ARMC3: variants seen among roughly 807,000 people sequenced by gnomAD.
ARMC3 encodes the protein armadillo repeat containing 3.
ARMC3 carries 74 observed loss-of-function variants against 90.3 expected under a neutral mutation model. That is an observed-to-expected ratio of 0.82 (90% confidence interval 0.68 to 0.99). ARMC3 has a LOEUF of 0.99. ARMC3 is among the 50% of genes least tolerant of loss of function. The pLI, the probability that ARMC3 is intolerant of heterozygous loss-of-function variation, is 0.00. For missense variants in ARMC3, 958 were observed against 1,042.8 expected, an observed-to-expected ratio of 0.92 and a Z score of 1.12; for synonymous variants, 334 against 361.8, an observed-to-expected ratio of 0.92 and a Z score of 0.87.
At chr10:23,023,801 T>C (rs570594803) in intron 16 of ARMC3, among the ~76,000 whole-genome samples, 6 of 151,780 alleles carry the variant, frequency 4.0e-5, no homozygotes, top group East Asian at 3.9e-4. Flanking sequence ...TCAATCTATA[T>C]AACCAAGAGA....
At chr10:23,019,631 C>G (rs1838426548) in intron 16 of ARMC3, among the ~76,000 whole-genome samples, 1 of 152,142 alleles carries the variant, frequency 6.6e-6, no homozygotes, top group African/African-American at 2.4e-5. Flanking sequence ...GCAACCTCCA[C>G]TCACTGCAAC....
At chr10:23,007,965 A>G (rs1837706905) in intron 14 of ARMC3, among the ~76,000 whole-genome samples, 2 of 152,026 alleles carry the variant, frequency 1.3e-5, no homozygotes, top group Admixed American at 6.5e-5. Context: ...TTAGCTGGGT[A>G]TGGTAGCACA....
intron 16 of ARMC3, among the ~76,000 whole-genome samples, chr10:23,022,157 A>G (rs1049131149): frequency 1.3e-5 from 2 of 152,206 alleles, no homozygotes; most frequent in African/African-American, 4.8e-5. Context: ...TCTTCAAAAT[A>G]TTGAATGCTT....
intron 12 of ARMC3, 117 bp from the exon 13 acceptor site, chr10:23,003,129 G>A: frequency 1.2e-6 from 1 of 839,082 alleles, no homozygotes; most frequent in Non-Finnish European, 1.8e-6. Context: ...AGAGGGTGGG[G>A]GAGGCTTTAA....
chr10:23,011,491 G>T (rs1234481377), intron 16 of ARMC3, among the ~76,000 whole-genome samples: 1 of 152,154 alleles, frequency 6.6e-6, no homozygotes, highest in Non-Finnish European at 1.5e-5. Context: ...TATTATTGTT[G>T]TACTAAAAAG....
Position 22,998,198 on chromosome 10 carries a change from G to C in ARMC3, c.1226G>C (p.Ser409Thr). 1 of 1,613,860 alleles carries C rather than the reference G, an allele frequency of 6.2e-7. No homozygotes were observed. Among genetic ancestry groups the C allele is most frequent in the Non-Finnish European group, 8.5e-7 (1 of 1,179,884 alleles). The change falls in exon 11 of 19, where the codon AGT (serine) becomes ACT (threonine). Residue 409 changes from serine (S) to threonine (T), a missense_variant. Transcript: ENST00000298032. ...GATCCATTAATAAACCTCCTGTCTA[G>C]TAAACGAGATGGAGCCATTGCCAAC... Reference protein sequence around the residue: ...GIDPLINLLSSKRDGAIANAA... With the variant: ...GIDPLINLLSTKRDGAIANAA...
At chr10:23,002,465 CCAAT>C (rs1837341794) in intron 12 of ARMC3, among the ~76,000 whole-genome samples, 1 of 152,226 alleles carries the variant, frequency 6.6e-6, no homozygotes, top group Non-Finnish European at 1.5e-5. Context: ...ACCACCCTCA[CCAAT>C]CAGTTCTGTT....
rs750256146 is a variant in ARMC3, at chr10:23,001,991, G to A, written c.1498G>A (p.Ala500Thr). 7.9e-5 allele frequency: 128 copies of A among 1,613,804 alleles called. No homozygotes were observed. The East Asian group carries it at 2.3e-3, about 29-fold the overall frequency. The change falls in exon 12 of 19, where the codon GCC (alanine) becomes ACC (threonine). Residue 500 changes from alanine (A) to threonine (T), a missense_variant. Coordinates refer to ENST00000298032, the MANE Select transcript of ARMC3 (RefSeq NM_173081.5). ...CAAGAATGATGAAGTGAGGAAGCAC[G>A]CCAGTTGGGCAGTGATGGTCTGTGC... ...RSKNDEVRKH[A>T]SWAVMVCAGD...
chr10:23,005,566 TA>T (rs1233729282), intron 13 of ARMC3, among the ~76,000 whole-genome samples: 2 of 151,752 alleles, frequency 1.3e-5, no homozygotes, highest in Non-Finnish European at 1.5e-5. Context: ...TATCCCAGGG[TA>T]AAAATGAGAG....
At chr10:23,007,131 A>G (rs1837658291) in intron 14 of ARMC3, 150 bp downstream of exon 14, 5 of 619,790 alleles carry the variant, frequency 8.1e-6, no homozygotes, top group Non-Finnish European at 1.4e-5. Context: ...TCATAAACTC[A>G]TAGCCCGACA....
At chr10:23,020,974 G>A (rs1838488860) in intron 16 of ARMC3, among the ~76,000 whole-genome samples, 1 of 152,004 alleles carries the variant, frequency 6.6e-6, no homozygotes, top group Admixed American at 6.6e-5. Context: ...CCACCTGGTA[G>A]CCCCCAGTGC....
At chr10:22,975,527 C>T (rs573057963) in intron 8 of ARMC3, among the ~76,000 whole-genome samples, 11 of 152,206 alleles carry the variant, frequency 7.2e-5, no homozygotes, top group Admixed American at 2.0e-4. Context: ...ATCGCACCAT[C>T]GCACTCCAGC....
chr10:22,981,612 C>T lies in ARMC3; in HGVS notation c.1087C>T (p.Gln363Ter). The T allele has an allele frequency of 1.2e-6, 2 of 1,614,090 alleles. No homozygotes were observed. The highest frequency in any genetic ancestry group is 1.7e-6 in the Non-Finnish European group (2 of 1,179,986). ...TTCTGTAGGGATTCCACAGTTAATTCAGTTGCTAAAAAGTGACAATGAAGA... is the reference window on the plus strand; with the variant it reads ...TTCTGTAGGGATTCCACAGTTAATTTAGTTGCTAAAAAGTGACAATGAAGA... ...FNNQGIPQLI[Q>*]LLKSDNEEVR... Residue 363 changes from glutamine to a stop codon, truncating the protein, a stop_gained, in exon 10 of 19, where the codon CAG becomes TAG. Coordinates refer to ENST00000298032, the MANE Select transcript of ARMC3 (RefSeq NM_173081.5). LOFTEE classifies it high-confidence loss of function.
At chr10:23,008,656 G>C (rs184101236) in intron 15 of ARMC3, among the ~76,000 whole-genome samples, 159 bp from the exon 16 acceptor site, 1 of 152,128 alleles carries the variant, frequency 6.6e-6, no homozygotes. Context: ...AAATAACACC[G>C]GGTCCCTGGC....
At chr10:22,949,745 A>T (rs1464542254) in intron 3 of ARMC3, among the ~76,000 whole-genome samples, 1 of 152,164 alleles carries the variant, frequency 6.6e-6, no homozygotes, top group Non-Finnish European at 1.5e-5. Context: ...AAGTCCATGG[A>T]TCCAAAAAAG....
intron 7 of ARMC3, among the ~76,000 whole-genome samples, chr10:22,963,948 A>G (rs1257469439): frequency 7.0e-6 from 1 of 142,026 alleles, no homozygotes; most frequent in Non-Finnish European, 1.6e-5. Flanking sequence ...AAAAAAAAAA[A>G]AAGACTAACA....
chr10:22,963,941 A>C (rs1390982764), intron 7 of ARMC3, among the ~76,000 whole-genome samples: 11 of 127,694 alleles, frequency 8.6e-5, no homozygotes, highest in Admixed American at 1.5e-4. Context: ...AAAAAAAAAA[A>C]AAAAAAAAAG....
At chr10:22,985,561 A>C (rs1836382345) in intron 10 of ARMC3, among the ~76,000 whole-genome samples, 1 of 152,138 alleles carries the variant, frequency 6.6e-6, no homozygotes, top group South Asian at 2.1e-4. Context: ...TTGTACACAA[A>C]AGCCATACAG....
At chr10:22,930,310 G>A (rs934676814) in intron 1 of ARMC3, among the ~76,000 whole-genome samples, 2 of 152,064 alleles carry the variant, frequency 1.3e-5, no homozygotes, top group African/African-American at 4.8e-5. Context: ...AATATGAAAA[G>A]AGAACTGAAA....
Sources: gnomAD v4.1 joint callset for allele counts (sites outside exome capture counted in the v4.1 genomes callset) on GRCh38, gnomAD v4.1.1 for gene constraint, MANE v1.5 for transcripts, NCBI Gene and HGNC (gene_info 2026-07-23, HGNC 2026-07-21) for gene names.